Variants in HIP1 observed in about 807,000 individuals in gnomAD.
HIP1 encodes the protein huntingtin interacting protein 1, also known as huntingtin-interacting protein 1.
A neutral mutation model predicts 147.6 loss-of-function variants in HIP1; 65 were observed. That is an observed-to-expected ratio of 0.44 (90% CI 0.36 to 0.54). HIP1 has a LOEUF of 0.54. Among genes scored for constraint, HIP1 ranks in the 20% least tolerant of loss-of-function variants. HIP1 has a pLI of 0.00. For missense variants in HIP1, 1,061 were observed against 1,299.6 expected (o/e 0.82, Z 2.82); for synonymous variants, 479 against 504.0 (o/e 0.95, Z 0.67).
chr7:75,572,219 G>A (rs1281711315), intron 8 of HIP1, among the ~76,000 whole-genome samples: 6 of 135,822 alleles, frequency 4.4e-5, no homozygotes, highest in Non-Finnish European at 7.7e-5. Context: ...GTGAGACTCT[G>A]TCTCAGAAAA....
At chr7:75,587,085 C>T (rs1796317132) in intron 4 of HIP1, among the ~76,000 whole-genome samples, 1 of 152,146 alleles carries the variant, frequency 6.6e-6, no homozygotes, top group African/African-American at 2.4e-5. Flanking sequence ...GGATTACAGG[C>T]ACGCACCACC....
intron 9 of HIP1, among the ~76,000 whole-genome samples, chr7:75,563,961 G>A (rs1186370986): frequency 2.0e-5 from 3 of 152,100 alleles, no homozygotes; most frequent in Non-Finnish European, 4.4e-5. Flanking sequence ...GGTGCAATCA[G>A]AGCTCATTGC....
At chr7:75,597,549 G>GC in intron 2 of HIP1, among the ~76,000 whole-genome samples, 1 of 152,140 alleles carries the variant, frequency 6.6e-6, no homozygotes, top group East Asian at 1.9e-4. Flanking sequence ...AAACCAGCCT[G>GC]AGCAACATGG....
At chr7:75,645,172 T>C (rs1237567263) in intron 1 of HIP1, among the ~76,000 whole-genome samples, 1 of 152,192 alleles carries the variant, frequency 6.6e-6, no homozygotes, top group Non-Finnish European at 1.5e-5. Context: ...CCAGGCACTA[T>C]GACAAGCACT....
At chr7:75,632,465 G>C (rs1798261239) in intron 1 of HIP1, among the ~76,000 whole-genome samples, 1 of 152,116 alleles carries the variant, frequency 6.6e-6, no homozygotes, top group Non-Finnish European at 1.5e-5. Context: ...GAGTGCAGTG[G>C]TGTTATCATA....
chr7:75,585,908 A>G (rs1158847983), intron 5 of HIP1, among the ~76,000 whole-genome samples: 1 of 151,976 alleles, frequency 6.6e-6, no homozygotes, highest in Non-Finnish European at 1.5e-5. Context: ...TTGACTTCCC[A>G]GGCTCAAGGT....
chr7:75,721,255 T>C (rs1323157750), intron 1 of HIP1, among the ~76,000 whole-genome samples: 3 of 151,974 alleles, frequency 2.0e-5, no homozygotes, highest in African/African-American at 7.3e-5. Context: ...TGGGTGCCTG[T>C]AATCCCAGCT....
chr7:75,544,458 T>G (rs1373847733), intron 27 of HIP1, among the ~76,000 whole-genome samples: 1 of 151,688 alleles, frequency 6.6e-6, no homozygotes, highest in Non-Finnish European at 1.5e-5. Flanking sequence ...TATTCTCTAA[T>G]CCTTTAGTAT....
At chr7:75,586,908 C>G (rs781996697) in intron 4 of HIP1, 75 bp from the exon 5 acceptor site, 105 of 873,766 alleles carry the variant, frequency 1.2e-4, no homozygotes, top group Middle Eastern at 2.1e-4. Context: ...CAGGAATTCT[C>G]TGGTAAAGAA....
chr7:75,658,331 C>T (rs1449819777), intron 1 of HIP1, among the ~76,000 whole-genome samples: 6 of 152,146 alleles, frequency 3.9e-5, no homozygotes, highest in African/African-American at 1.4e-4. Flanking sequence ...CAGGTGATAC[C>T]CCCCAACCTT....
intron 1 of HIP1, among the ~76,000 whole-genome samples, chr7:75,709,109 C>CTTTTAT (rs1801086559): frequency 7.6e-6 from 1 of 131,440 alleles, no homozygotes; most frequent in Non-Finnish European, 1.6e-5. Context: ...TTTTTCTTTT[C>CTTTTAT]TTTTTTTTTT....
chr7:75,589,652 T>G (rs1329987783), intron 4 of HIP1, among the ~76,000 whole-genome samples: 84 of 114,742 alleles, frequency 7.3e-4, no homozygotes, highest in African/African-American at 2.5e-3. Flanking sequence ...CAGTGTACTC[T>G]GGCCCAGGCA....
chr7:75,587,488 T>A (rs1796329083), intron 4 of HIP1, among the ~76,000 whole-genome samples: 1 of 152,248 alleles, frequency 6.6e-6, no homozygotes, highest in Non-Finnish European at 1.5e-5. Flanking sequence ...TTTTAGTGAC[T>A]GACCAGTATT....
intron 1 of HIP1, among the ~76,000 whole-genome samples, chr7:75,692,543 C>T (rs1163362993): frequency 2.0e-5 from 3 of 151,818 alleles, no homozygotes; most frequent in African/African-American, 7.3e-5. Flanking sequence ...GCCTTAGCTT[C>T]CTGAGTAGCT....
chr7:75,585,850 T>C (rs1306203461), intron 5 of HIP1, among the ~76,000 whole-genome samples: 4 of 152,106 alleles, frequency 2.6e-5, no homozygotes, highest in Non-Finnish European at 2.9e-5. Context: ...GGCCTCACTC[T>C]GTTGCCCAGG....
intron 1 of HIP1, among the ~76,000 whole-genome samples, chr7:75,700,715 T>C (rs1460612345): frequency 1.3e-5 from 2 of 151,898 alleles, no homozygotes; most frequent in Admixed American, 6.6e-5. Flanking sequence ...AACACTTTTT[T>C]TTTTTTTTGA....
chr7:75,559,501 G>A (rs1554494064), intron 14 of HIP1, among the ~76,000 whole-genome samples: 3 of 152,162 alleles, frequency 2.0e-5, no homozygotes, highest in African/African-American at 7.2e-5. Flanking sequence ...CTTCAGTGCT[G>A]TCTTCTGTAT....
chr7:75,546,831 T>A, intron 25 of HIP1, 108 bp downstream of exon 25: 1 of 787,964 alleles, frequency 1.3e-6, no homozygotes. Context: ...GGCTGCTCTG[T>A]ACTCAGGTGG....
At chr7:75,629,844 C>T (rs782453935) in intron 1 of HIP1, among the ~76,000 whole-genome samples, 1 of 152,116 alleles carries the variant, frequency 6.6e-6, no homozygotes, top group Non-Finnish European at 1.5e-5. Flanking sequence ...GCCCGGCCTG[C>T]TCCCCTTCTT....
Sources: gnomAD v4.1 joint callset for allele counts (sites outside exome capture counted in the v4.1 genomes callset) on GRCh38, gnomAD v4.1.1 for gene constraint, MANE v1.5 for transcripts, NCBI Gene and HGNC (gene_info 2026-07-23, HGNC 2026-07-21) for gene names.